The following ATPAF2 variants were observed in gnomAD, a reference collection of about 807,000 sequenced individuals.
ATPAF2 encodes the protein ATP12 homolog.
ATPAF2 carries 30 observed loss-of-function variants against 36.6 expected under a neutral mutation model. That is an observed-to-expected ratio of 0.82 (90% CI 0.61 to 1.11). The LOEUF (loss-of-function observed/expected upper bound fraction) is 1.11, where lower values mean the gene tolerates loss of function less well. Ranked by LOEUF, ATPAF2 falls within the 50% of genes most tolerant of loss-of-function variation. The pLI, the probability that ATPAF2 is intolerant of heterozygous loss-of-function variation, is 0.00. For synonymous variants in ATPAF2, 140 were observed against 152.6 expected, an observed-to-expected ratio of 0.92 and a Z score of 0.61; for missense variants, 321 against 372.3, an observed-to-expected ratio of 0.86 and a Z score of 1.13.
In ATPAF2 at chr17:18,019,147, CCACACACA is replaced by C. The variant is rs138932269; in HGVS notation, c.733-469_733-462del. On this transcript the variant is annotated intron_variant, in intron 7 of 7. Coordinates refer to ENST00000474627, the MANE Select transcript of ATPAF2 (RefSeq NM_145691.4). ...AGAGCAAGACCCTGTCTCAAAAACA[CCACACACA>C]CACACACACACACACACACACACAC... 2.3e-4 allele frequency among the ~76,000 whole-genome samples: 31 copies of C among 135,656 alleles called. 1 individual carries two copies. Among genetic ancestry groups the C allele is most frequent in the Admixed American group, 3.7e-4 (5 of 13,682 alleles). 89.0% of individuals were successfully genotyped at this position (135,656 alleles called of 152,430 possible).
At chr17:18,021,937 C>T in intron 5 of ATPAF2, 80 bp from the exon 6 acceptor site, 2 of 1,251,936 alleles carry the variant, frequency 1.6e-6, no homozygotes, top group African/African-American at 2.9e-5. Context: ...AAACAAAGGC[C>T]TAAGCTTCAG....
At position 18,021,116 on chromosome 17, in the gene ATPAF2, T is replaced by C; in HGVS notation, c.732+7A>G. 1 of 1,611,114 alleles carries C rather than the reference T, an allele frequency of 6.2e-7. No individual in the cohort carries two copies. Among genetic ancestry groups the C allele is most frequent in the Non-Finnish European group, 8.5e-7 (1 of 1,178,650 alleles). ...GGGGAGGCGGGACCTGAGGTGCTGC[T>C]CCTCACCTGGTACTCCTCCTCCAGG... On this transcript the variant is annotated splice_region_variant and intron_variant, in intron 7 of 7. Coordinates refer to ENST00000474627, the MANE Select transcript of ATPAF2 (RefSeq NM_145691.4).
chr17:18,030,963 G>GGAAAA (rs1567577791), intron 1 of ATPAF2, among the ~76,000 whole-genome samples: 4 of 122,556 alleles, frequency 3.3e-5, no homozygotes, highest in African/African-American at 1.3e-4. Flanking sequence ...GTGAGCCACC[G>GGAAAA]CGCCTGGCCT....
In ATPAF2 at chr17:18,036,811, G is replaced by A. The variant is rs919534188; in HGVS notation, c.133+2070C>T. On this transcript the variant is annotated intron_variant, in intron 1 of 7. Transcript: ENST00000474627. ...TTTGTGGTCAGGCATGGTGGCTCAC[G>A]CCTGTAATCCCAGCATTTGGGAGGC... Among the ~76,000 whole-genome samples, 3 of 152,198 alleles carry A rather than the reference G, an allele frequency of 2.0e-5. No homozygotes were observed. The South Asian group carries it at 6.2e-4, about 31-fold the overall frequency.
chr17:18,038,629 G>A (rs1490247543), intron 1 of ATPAF2, among the ~76,000 whole-genome samples: 1 of 152,182 alleles, frequency 6.6e-6, no homozygotes, highest in Non-Finnish European at 1.5e-5. Context: ...TTAAAGGGAG[G>A]GCAGCCATAA....
chr17:18,036,078 C>A (rs2044698896), intron 1 of ATPAF2, among the ~76,000 whole-genome samples: 1 of 152,196 alleles, frequency 6.6e-6, no homozygotes, highest in African/African-American at 2.4e-5. Context: ...TGCAATATCT[C>A]CTTCTCCAAC....
chr17:18,021,616 C>A, intron 6 of ATPAF2, 129 bp downstream of exon 6: 1 of 859,678 alleles, frequency 1.2e-6, no homozygotes. Context: ...CACCCAGCCT[C>A]CACACTCAGC....
chr17:18,030,320 CAA>C (rs1162130285), intron 1 of ATPAF2, among the ~76,000 whole-genome samples: 1,892 of 64,046 alleles, frequency 0.03, 36 homozygotes, highest in African/African-American at 0.1. Context: ...GACTCCATCT[CAA>C]AAAAAAAAAA....
At chr17:18,035,856 T>G (rs1051805012) in intron 1 of ATPAF2, among the ~76,000 whole-genome samples, 1 of 152,226 alleles carries the variant, frequency 6.6e-6, no homozygotes, top group South Asian at 2.1e-4. Context: ...TCGGAGGTGA[T>G]AGAGAAGCTA....
At chr17:18,037,473 A>G (rs768787759) in intron 1 of ATPAF2, among the ~76,000 whole-genome samples, 1 of 152,152 alleles carries the variant, frequency 6.6e-6, no homozygotes, top group Non-Finnish European at 1.5e-5. Flanking sequence ...AGTCCCACCT[A>G]CTTGGGAGGC....
chr17:18,025,994 G>A (rs2044539357), intron 4 of ATPAF2: 12 of 448,660 alleles, frequency 2.7e-5, no homozygotes, highest in Admixed American at 2.4e-4. Context: ...AGAAAGTGTC[G>A]GTGGGCAGAA....
At position 18,039,129 on chromosome 17, in the gene ATPAF2, A is replaced by G. The variant is rs949911678; in HGVS notation, c.-116T>C. On this transcript the variant is annotated 5_prime_UTR_variant, in exon 1 of 8. Coordinates refer to ENST00000474627, the MANE Select transcript of ATPAF2 (RefSeq NM_145691.4). This position sits in a 1 kb window ranked among gnomAD's most constrained non-coding sequence, Gnocchi z 5.3. Reference sequence around the variant, plus strand: ...TACGGAAACCTCTCAACGCCTCCTCAGAGCCCTCAACCTCCCTTGGACGCC... The same window carrying G: ...TACGGAAACCTCTCAACGCCTCCTCGGAGCCCTCAACCTCCCTTGGACGCC... 5.6e-6 allele frequency: 8 copies of G among 1,430,346 alleles called. No homozygotes were observed. The African/African-American group carries it at 7.1e-5, about 13-fold the overall frequency. 88.6% of individuals were successfully genotyped at this position (1,430,346 alleles called of 1,614,324 possible).
downstream of ATPAF2, chr17:18,016,260 C>T (rs1380417762): frequency 4.6e-6 from 7 of 1,532,612 alleles, no homozygotes; most frequent in African/African-American, 8.2e-5. Context: ...GGAAATCCTC[C>T]CTAGGTAGTG....
Position 18,028,206 on chromosome 17 carries a change from C to G in ATPAF2, c.324+26G>C, listed in dbSNP as rs768673657. 24 of 1,613,998 alleles carry G rather than the reference C, an allele frequency of 1.5e-5. No homozygotes were observed. The Middle Eastern group carries it at 6.6e-4, about 44-fold the overall frequency. On this transcript the variant is annotated intron_variant, in intron 3 of 7. Transcript: ENST00000474627. ...CGAAGCCCTGGGTGGGTCTCAGGGT[C>G]CAGGTTCACACTGTGAACTTGTTAC...
chr17:18,018,829 G>T, intron 7 of ATPAF2, 143 bp from the exon 8 acceptor site: 1 of 1,250,714 alleles, frequency 8.0e-7, no homozygotes, highest in Non-Finnish European at 1.1e-6. Context: ...CCTAGGGGGA[G>T]GTGGCAGGTA....
chr17:18,031,560 C>T (rs1321014680), intron 1 of ATPAF2, among the ~76,000 whole-genome samples: 1 of 151,696 alleles, frequency 6.6e-6, no homozygotes, highest in Non-Finnish European at 1.5e-5. Context: ...GCGGGCGGAT[C>T]ACGAGGTCAG....
chr17:18,026,684 G>A, intron 3 of ATPAF2: 5 of 557,686 alleles, frequency 9.0e-6, no homozygotes, highest in Non-Finnish European at 1.6e-5. Flanking sequence ...ATGGTCACAT[G>A]CCTTTTATTA....
intron 7 of ATPAF2, among the ~76,000 whole-genome samples, chr17:18,018,990 T>A (rs532809063): frequency 6.6e-6 from 1 of 152,164 alleles, no homozygotes; most frequent in African/African-American, 2.4e-5. Context: ...GTTTAAAAAT[T>A]AGCTGGGTGT....
At chr17:18,035,587 A>G (rs2044692516) in intron 1 of ATPAF2, among the ~76,000 whole-genome samples, 1 of 152,264 alleles carries the variant, frequency 6.6e-6, no homozygotes, top group South Asian at 2.1e-4. Flanking sequence ...AATGTATAAC[A>G]TTTAGCAAAC....
Sources: allele counts gnomAD v4.1 joint callset (sites outside exome capture counted in the v4.1 genomes callset), GRCh38; gene constraint gnomAD v4.1.1; non-coding constraint Gnocchi (gnomAD v3.1); transcripts MANE v1.5; gene names NCBI Gene and HGNC (gene_info 2026-07-23, HGNC 2026-07-21).